OTUD7A: variants seen among roughly 807,000 people sequenced by gnomAD.
OTUD7A encodes OTU deubiquitinase 7A.
Under a neutral mutation model 65.7 loss-of-function variants are expected in OTUD7A, and 12 were observed. That is an observed-to-expected ratio of 0.18 (90% confidence interval 0.12 to 0.30). The LOEUF (loss-of-function observed/expected upper bound fraction) is 0.30, where lower values mean the gene tolerates loss of function less well. OTUD7A is among the 10% of genes least tolerant of loss of function. The probability of loss-of-function intolerance (pLI) is 1.00; values close to 1 mark genes in which losing one functional copy is unlikely to be tolerated. For missense variants in OTUD7A, 1,148 were observed against 1,304.8 expected (o/e 0.88, Z 1.85); for synonymous variants, 641 against 586.3 (o/e 1.09, Z -1.35).
intron 1 of OTUD7A, among the ~76,000 whole-genome samples, chr15:31,697,566 T>C (rs1451759454): frequency 6.0e-5 from 9 of 150,452 alleles, no homozygotes; most frequent in African/African-American, 2.2e-4. Flanking sequence ...TAGAGCTACT[T>C]GGGGTTCAGG....
rs760904645 is a variant in OTUD7A at position 31,801,086 on chromosome 15, T to C, written c.-100+69421A>G. On this transcript the variant is annotated intron_variant, in intron 1 of 12. Coordinates refer to ENST00000307050, the MANE Select transcript of OTUD7A (RefSeq NM_001382637.1). The stretch of plus-strand genomic sequence containing the variant: ...AAAAAAAAAAAAAGCAGAATCAGGT[T>C]TCCACAGATCATTCTGGAAAGTAGA... Among the ~76,000 whole-genome samples, 63 of 149,438 alleles carry C rather than the reference T, an allele frequency of 4.2e-4. 1 individual carries two copies. Among genetic ancestry groups the C allele is most frequent in the Non-Finnish European group, 4.4e-5 (3 of 67,694 alleles).
In OTUD7A at chr15:31,561,784, T is replaced by TCA. The variant is rs3075495; in HGVS notation, c.332-2599_332-2598dup. ...TCATCTCTCTCACACACACACAGAG[T>TCA]CACACACACACACACACATTCACAC... On this transcript the variant is annotated intron_variant, in intron 4 of 12. Coordinates refer to ENST00000307050, the MANE Select transcript of OTUD7A (RefSeq NM_001382637.1). Among the ~76,000 whole-genome samples, 699 of 150,524 alleles carry TCA rather than the reference T, an allele frequency of 4.6e-3. 9 individuals are homozygous for TCA. Among genetic ancestry groups the TCA allele is most frequent in the African/African-American group, 0.016 (645 of 40,972 alleles).
chr15:31,539,632 T>C (rs1195443040), intron 5 of OTUD7A, among the ~76,000 whole-genome samples: 2 of 152,222 alleles, frequency 1.3e-5, no homozygotes, highest in East Asian at 1.9e-4. Flanking sequence ...AATCTGAGTA[T>C]GGGCTCTACT....
At chr15:31,486,186 C>T (rs1031947853) in intron 12 of OTUD7A, among the ~76,000 whole-genome samples, 6 of 152,196 alleles carry the variant, frequency 3.9e-5, no homozygotes, top group African/African-American at 9.7e-5. Context: ...TTCTACATCT[C>T]GAGCCACTGC....
intron 1 of OTUD7A, among the ~76,000 whole-genome samples, chr15:31,742,290 G>A (rs576174542): frequency 3.3e-5 from 5 of 152,106 alleles, no homozygotes; most frequent in Admixed American, 6.5e-5. Flanking sequence ...CATCCACAAC[G>A]ATTGGTTATA....
intron 1 of OTUD7A, among the ~76,000 whole-genome samples, chr15:31,702,389 T>C (rs1194465035): frequency 6.8e-6 from 1 of 147,764 alleles, no homozygotes; most frequent in Non-Finnish European, 1.5e-5. Flanking sequence ...TGAAAACTTT[T>C]AGAACTAAGA....
At chr15:31,554,588 C>T (rs1245599816) in intron 5 of OTUD7A, among the ~76,000 whole-genome samples, 1 of 152,168 alleles carries the variant, frequency 6.6e-6, no homozygotes, top group Admixed American at 6.5e-5. Flanking sequence ...CAAAGGTGTG[C>T]CTAGAGATTT....
chr15:31,766,602 G>A (rs987705189), intron 1 of OTUD7A: 31 of 1,609,860 alleles, frequency 1.9e-5, no homozygotes, highest in Admixed American at 3.3e-5. Flanking sequence ...AGCCACTGGT[G>A]TATTGATAAT....
At chr15:31,768,684 G>A (rs1895152475) in intron 1 of OTUD7A, among the ~76,000 whole-genome samples, 1 of 152,014 alleles carries the variant, frequency 6.6e-6, no homozygotes, top group Non-Finnish European at 1.5e-5. Flanking sequence ...GATAACACTG[G>A]TGGCACTTTC....
intron 1 of OTUD7A, among the ~76,000 whole-genome samples, chr15:31,784,236 G>T (rs1429282164): frequency 6.6e-6 from 1 of 152,172 alleles, no homozygotes; most frequent in African/African-American, 2.4e-5. Flanking sequence ...ACTTGTTGTT[G>T]AATTCAGATG....
chr15:31,638,377 AC>A, intron 3 of OTUD7A, among the ~76,000 whole-genome samples: 1 of 113,334 alleles, frequency 8.8e-6, no homozygotes, highest in Admixed American at 1.1e-4. Context: ...TATAAAGATA[AC>A]TTTTTTTTTT....
intron 1 of OTUD7A, among the ~76,000 whole-genome samples, chr15:31,854,978 A>G (rs1397344935): frequency 2.0e-5 from 3 of 152,228 alleles, no homozygotes; most frequent in African/African-American, 7.2e-5. Context: ...AACCCCAGAG[A>G]TAAGCAAATG....
chr15:31,648,163 G>C (rs1207921036), intron 3 of OTUD7A, among the ~76,000 whole-genome samples: 2 of 152,150 alleles, frequency 1.3e-5, no homozygotes, highest in African/African-American at 4.8e-5. Flanking sequence ...ATGGAGCAGA[G>C]ACCCCTCTTA....
intron 1 of OTUD7A, among the ~76,000 whole-genome samples, chr15:31,693,946 C>T (rs1019128187): frequency 6.6e-6 from 1 of 152,214 alleles, no homozygotes; most frequent in African/African-American, 2.4e-5. Flanking sequence ...TGAAGATGCT[C>T]CAGGGACCCG....
At chr15:31,761,865 T>A (rs1205515761) in intron 1 of OTUD7A, among the ~76,000 whole-genome samples, 1 of 152,186 alleles carries the variant, frequency 6.6e-6, no homozygotes, top group Non-Finnish European at 1.5e-5. Flanking sequence ...ACAACATGGA[T>A]GAACCTTGAA....
chr15:31,832,997 AT>A (rs1248289796), intron 1 of OTUD7A, among the ~76,000 whole-genome samples: 2 of 152,202 alleles, frequency 1.3e-5, no homozygotes, highest in African/African-American at 4.8e-5. Context: ...TATGTTTAAT[AT>A]TTTGGGGAAC....
At chr15:31,649,776 C>T (rs975950742) in intron 3 of OTUD7A, 19 of 446,440 alleles carry the variant, frequency 4.3e-5, no homozygotes, top group Middle Eastern at 7.3e-4. Context: ...GACCCCTGGA[C>T]AGCGTGCAGG....
intron 3 of OTUD7A, among the ~76,000 whole-genome samples, chr15:31,610,611 A>ATTTTTTTTT (rs1309588573): frequency 5.5e-5 from 2 of 36,586 alleles, no homozygotes; most frequent in Admixed American, 4.0e-4. Flanking sequence ...ATATATATAT[A>ATTTTTTTTT]TATATATTTT....
chr15:31,847,510 GACTCCC>G (rs1489307919), intron 1 of OTUD7A, among the ~76,000 whole-genome samples: 1 of 152,164 alleles, frequency 6.6e-6, no homozygotes, highest in Non-Finnish European at 1.5e-5. Flanking sequence ...AATGGCCTCT[GACTCCC>G]ACATCTACTG....
Sources: allele counts gnomAD v4.1 joint callset (sites outside exome capture counted in the v4.1 genomes callset), GRCh38; gene constraint gnomAD v4.1.1; transcripts MANE v1.5; gene names NCBI Gene and HGNC (gene_info 2026-07-23, HGNC 2026-07-21).